ESRRB: variants seen among roughly 807,000 people sequenced by gnomAD.
The protein encoded by ESRRB is estrogen related receptor beta.
A neutral mutation model predicts 46.0 loss-of-function variants in ESRRB; 16 were observed. The ratio of observed to expected loss-of-function variants is 0.35; its 90% CI spans 0.24 to 0.53. ESRRB has a LOEUF of 0.53. Among genes scored for constraint, ESRRB ranks in the 20% least tolerant of loss-of-function variants. The pLI is 0.93. For missense variants in ESRRB, 488 were observed against 607.4 expected (o/e 0.80, Z 2.07); for synonymous variants, 246 against 259.6 (o/e 0.95, Z 0.50).
chr14:76,375,646 C>T (rs574763693), upstream of ESRRB, among the ~76,000 whole-genome samples: 1 of 147,282 alleles, frequency 6.8e-6, no homozygotes, highest in East Asian at 1.9e-4. Context: ...TGCTGTGCCT[C>T]ACCTGCTGGC....
At chr14:76,353,871 G>A (rs534929472) in intron 1 of ESRRB, among the ~76,000 whole-genome samples, 7 of 152,192 alleles carry the variant, frequency 4.6e-5, no homozygotes, top group Non-Finnish European at 5.9e-5. Context: ...GGCTGAACCC[G>A]GAGGATCACG....
chr14:76,475,223 ATGGGG>A (rs1889531692), intron 3 of ESRRB, among the ~76,000 whole-genome samples: 1 of 151,680 alleles, frequency 6.6e-6, no homozygotes, highest in Non-Finnish European at 1.5e-5. Flanking sequence ...TTAAAAAAAA[ATGGGG>A]TGTGGTGGTG....
chr14:76,390,799 T>C (rs1447671392), intron 1 of ESRRB, among the ~76,000 whole-genome samples: 1 of 152,196 alleles, frequency 6.6e-6, no homozygotes, highest in African/African-American at 2.4e-5. Context: ...TGGAGAGGTA[T>C]GCTGAAGCCT....
chr14:76,445,484 AAGAAAG>A (rs2139948132), intron 2 of ESRRB, among the ~76,000 whole-genome samples: 2 of 117,858 alleles, frequency 1.7e-5, no homozygotes, highest in South Asian at 2.8e-4. Context: ...AAAAAAAAAA[AAGAAAG>A]AAAGAAAGAA....
chr14:76,424,471 A>T (rs1197087782), intron 1 of ESRRB, among the ~76,000 whole-genome samples: 1 of 152,196 alleles, frequency 6.6e-6, no homozygotes, highest in Non-Finnish European at 1.5e-5. Context: ...GGCCATGACC[A>T]GGGAGTGGAT....
intron 1 of ESRRB, among the ~76,000 whole-genome samples, chr14:76,407,950 G>C (rs550108251): frequency 6.6e-6 from 1 of 152,192 alleles, no homozygotes; most frequent in Non-Finnish European, 1.5e-5. Flanking sequence ...CGGGACTGCC[G>C]GGTCCTGGCA....
At chr14:76,390,171 G>A (rs992230224) in intron 1 of ESRRB, among the ~76,000 whole-genome samples, 9 of 152,136 alleles carry the variant, frequency 5.9e-5, no homozygotes, top group Non-Finnish European at 1.3e-4. Flanking sequence ...GATCTTCCAC[G>A]TTAGATTGCT....
At chr14:76,380,533 A>G (rs990107750) in intron 1 of ESRRB, among the ~76,000 whole-genome samples, 1 of 152,220 alleles carries the variant, frequency 6.6e-6, no homozygotes, top group Non-Finnish European at 1.5e-5. Flanking sequence ...TTCAAAGTAA[A>G]GCCCACACCA....
chr14:76,347,583 A>G lies in ESRRB; in HGVS notation c.2+36667A>G, dbSNP rs1326962711. Among the ~76,000 whole-genome samples the G allele has an allele frequency of 2.0e-5, 2 of 100,608 alleles. 1 individual carries two copies. Among genetic ancestry groups the G allele is most frequent in the Non-Finnish European group, 4.3e-5 (2 of 46,834 alleles). The allele number at this position is 100,608 out of a possible 152,430, so 66.0% of individuals were successfully genotyped here. ...CATAGACACTGAAATAGCTCACTTA[A>G]TCTGCCCAACAACTCTTCCAGGTAG... On this transcript the variant is annotated intron_variant, in intron 1 of 6. Transcript: ENST00000512784.
chr14:76,338,247 G>A (rs1407176814), intron 1 of ESRRB, among the ~76,000 whole-genome samples: 3 of 152,206 alleles, frequency 2.0e-5, no homozygotes, highest in African/African-American at 7.2e-5. Context: ...ACAGCAGTAT[G>A]TCATTCCATC....
At chr14:76,490,196 A>G (rs1890169977) in intron 5 of ESRRB, among the ~76,000 whole-genome samples, 1 of 152,248 alleles carries the variant, frequency 6.6e-6, no homozygotes, top group South Asian at 2.1e-4. Context: ...GAATAAATCC[A>G]GCATGTCCGT....
At chr14:76,398,879 C>T (rs1354487063) in intron 1 of ESRRB, among the ~76,000 whole-genome samples, 2 of 152,206 alleles carry the variant, frequency 1.3e-5, no homozygotes, top group Non-Finnish European at 2.9e-5. Context: ...TAAGTCCCAA[C>T]TCACCACCAC....
At position 76,433,367 on chromosome 14, in the gene ESRRB, G is replaced by A. The variant is rs564064602; in HGVS notation, c.51-5974G>A. On this transcript the variant is annotated intron_variant, in intron 1 of 6. Coordinates refer to ENST00000644823, the MANE Select transcript of ESRRB (RefSeq NM_001379180.1). Reference sequence around the variant, plus strand: ...TACTTCAGGGAGAGAAGTGGGGGCGGTGATGGTAATGACACTGGACCAGCA... The same window carrying A: ...TACTTCAGGGAGAGAAGTGGGGGCGATGATGGTAATGACACTGGACCAGCA... Among the ~76,000 whole-genome samples the A allele has an allele frequency of 5.3e-5, 8 of 152,324 alleles. No homozygotes were observed. In the South Asian group the frequency reaches 1.7e-3, roughly 32 times the overall value.
intron 1 of ESRRB, among the ~76,000 whole-genome samples, chr14:76,431,742 G>T (rs907193265): frequency 4.6e-5 from 7 of 152,168 alleles, no homozygotes; most frequent in Admixed American, 2.6e-4. Context: ...AAGGCTGCTT[G>T]GATGGGCGTC....
In ESRRB at chr14:76,451,643, T is replaced by C. The variant is rs1888383614; in HGVS notation, c.461-10902T>C. On this transcript the variant is annotated intron_variant, in intron 2 of 6. Transcript: ENST00000644823. Reference sequence around the variant, plus strand: ...TTATTTTTATTTTATTTATTTATTTTTGAGACAGAGTCTTGCTATGTTGCC... The same window carrying C: ...TTATTTTTATTTTATTTATTTATTTCTGAGACAGAGTCTTGCTATGTTGCC... Among the ~76,000 whole-genome samples, 3 of 152,154 alleles carry C rather than the reference T, an allele frequency of 2.0e-5. No individual in the cohort carries two copies. The South Asian group carries it at 6.2e-4, about 32-fold the overall frequency.
intron 1 of ESRRB, among the ~76,000 whole-genome samples, chr14:76,383,185 A>G (rs768455045): frequency 6.6e-5 from 10 of 152,242 alleles, no homozygotes; most frequent in Non-Finnish European, 1.2e-4. Flanking sequence ...AATTGAATTC[A>G]ATCTTTTCTA....
intron 1 of ESRRB, among the ~76,000 whole-genome samples, chr14:76,351,505 G>A (rs1884312793): frequency 6.6e-6 from 1 of 152,212 alleles, no homozygotes; most frequent in South Asian, 2.1e-4. Flanking sequence ...CATTGGGTTA[G>A]GGCTTGCCCT....
intron 1 of ESRRB, among the ~76,000 whole-genome samples, chr14:76,430,552 C>G (rs1350691580): frequency 6.6e-6 from 1 of 152,184 alleles, no homozygotes; most frequent in Non-Finnish European, 1.5e-5. Context: ...AGAATCACAG[C>G]CTCAGGCAAC....
At chr14:76,393,888 C>T (rs530506147) in intron 1 of ESRRB, among the ~76,000 whole-genome samples, 2 of 152,280 alleles carry the variant, frequency 1.3e-5, no homozygotes, top group African/African-American at 4.8e-5. Flanking sequence ...GCAAACTTCA[C>T]CTCCCAGGTT....
Sources: allele counts gnomAD v4.1 joint callset (sites outside exome capture counted in the v4.1 genomes callset), GRCh38; gene constraint gnomAD v4.1.1; transcripts MANE v1.5; gene names NCBI Gene and HGNC (gene_info 2026-07-23, HGNC 2026-07-21).